Variants in USP8 observed in about 807,000 individuals in gnomAD.
USP8 encodes ubiquitin specific peptidase 8.
USP8 carries 27 observed loss-of-function variants against 130.0 expected under a neutral mutation model. The ratio of observed to expected loss-of-function variants is 0.21; its 90% CI spans 0.15 to 0.29. USP8 has a LOEUF of 0.29. USP8 is among the 10% of genes least tolerant of loss of function. The pLI is 1.00. For synonymous variants in USP8, 392 were observed against 444.1 expected (o/e 0.88, Z 1.48); for missense variants, 1,029 against 1,312.2 (o/e 0.78, Z 3.33).
chr15:50,456,872 C>T (rs899283910), intron 4 of USP8, among the ~76,000 whole-genome samples: 2 of 151,686 alleles, frequency 1.3e-5, no homozygotes, highest in African/African-American at 2.4e-5. Context: ...GGCAGCAGAG[C>T]GAGACTCTGT....
chr15:50,495,357 TATAGAGAG>T (rs1441276552), intron 16 of USP8, among the ~76,000 whole-genome samples: 1 of 102,314 alleles, frequency 9.8e-6, no homozygotes, highest in Non-Finnish European at 2.1e-5. Flanking sequence ...TATATACATA[TATAGAGAG>T]AGAGAGGCTA....
chr15:50,471,653 A>C lies in USP8; in HGVS notation c.707A>C (p.Glu236Ala), dbSNP rs1233871340. 6.2e-7 allele frequency: 1 copy of C among 1,613,186 alleles called. No individual in the cohort carries two copies. The highest frequency in any genetic ancestry group is 1.3e-5 in the African/African-American group (1 of 74,888). The change falls in exon 8 of 20, where the codon GAA becomes GCA. Residue 236 changes from glutamate to alanine, a missense_variant. Transcript: ENST00000307179. ...ISPGVTASWI[E>A]AHLPDDSKDT... Reference sequence around the variant, plus strand: ...TTCAGAGTCACTGCTAGTTGGATTGAAGCACACCTGCCAGATGATTCTAAA... The same window carrying C: ...TTCAGAGTCACTGCTAGTTGGATTGCAGCACACCTGCCAGATGATTCTAAA...
chr15:50,453,157 G>T (rs889361177), intron 4 of USP8, among the ~76,000 whole-genome samples: 1 of 152,240 alleles, frequency 6.6e-6, no homozygotes, highest in African/African-American at 2.4e-5. Context: ...GGAGATTTGA[G>T]AATCCATTAT....
Position 50,441,381 on chromosome 15 carries a change from C to G in USP8, c.137C>G (p.Thr46Arg). 3.1e-6 allele frequency: 5 copies of G among 1,605,030 alleles called. No homozygotes were observed. Among genetic ancestry groups the G allele is most frequent in the Non-Finnish European group, 3.4e-6 (4 of 1,178,148 alleles). The change falls in exon 3 of 20, where the codon ACA (threonine) becomes AGA (arginine). Residue 46 changes from threonine to arginine, a missense_variant. Thr to Arg is a moderately conservative substitution (Grantham distance 71). Coordinates refer to ENST00000307179, the MANE Select transcript of USP8 (RefSeq NM_005154.5). Reference sequence around the variant, plus strand: ...CACAGTGCCCTGAAGATCTTTAAGACAGCAGAAGAATGCAGATTAGATCGT... The same window carrying G: ...CACAGTGCCCTGAAGATCTTTAAGAGAGCAGAAGAATGCAGATTAGATCGT... ...YVHSALKIFK[T>R]AEECRLDRDE...
chr15:50,468,535 G>T (rs1461235006), intron 7 of USP8, among the ~76,000 whole-genome samples: 2 of 152,122 alleles, frequency 1.3e-5, no homozygotes, highest in East Asian at 3.9e-4. Flanking sequence ...GAGCCACGGT[G>T]CCCAGCCTAT....
intron 4 of USP8, among the ~76,000 whole-genome samples, chr15:50,458,152 C>CATTT (rs559465969): frequency 6.6e-6 from 1 of 151,920 alleles, no homozygotes; most frequent in Non-Finnish European, 1.5e-5. Context: ...GCCATTCGTT[C>CATTT]ATTTATTTAT....
intron 3 of USP8, among the ~76,000 whole-genome samples, chr15:50,443,174 G>A (rs2050315196): frequency 6.6e-6 from 1 of 152,040 alleles, no homozygotes; most frequent in Non-Finnish European, 1.5e-5. Context: ...GAGTAGGTGG[G>A]ATTACAGGCT....
intron 5 of USP8, among the ~76,000 whole-genome samples, chr15:50,461,036 A>G (rs1430280648): frequency 1.3e-5 from 2 of 151,794 alleles, no homozygotes; most frequent in Non-Finnish European, 2.9e-5. Flanking sequence ...TTTGTTGCCC[A>G]GGCTGGAGTG....
chr15:50,481,772 A>G lies in USP8; in HGVS notation c.1510A>G (p.Lys504Glu), dbSNP rs2051781644. ...LRKEEQEQKAKKKQEAEENEI... is the reference protein window; with the variant it reads ...LRKEEQEQKAEKKQEAEENEI... ...GAAGGAAGAACAAGAACAAAAAGCC[A>G]AAAAGAAACAAGAAGCTGAAGAAAA... The change falls in exon 11 of 20, where the codon AAA becomes GAA. Residue 504 changes from lysine to glutamate, a missense_variant. Coordinates refer to ENST00000307179, the MANE Select transcript of USP8 (RefSeq NM_005154.5). 2 of 1,565,020 alleles carry G rather than the reference A, an allele frequency of 1.3e-6. No individual in the cohort carries two copies. Among genetic ancestry groups the G allele is most frequent in the South Asian group, 1.2e-5 (1 of 82,636 alleles).
chr15:50,492,561 A>T, intron 14 of USP8, 140 bp from the exon 15 acceptor site: 2 of 800,472 alleles, frequency 2.5e-6, no homozygotes, highest in East Asian at 5.3e-5. Context: ...TGGAAGGCCC[A>T]GCATCTTATG....
At chr15:50,433,892 A>G (rs981846555) in intron 1 of USP8, among the ~76,000 whole-genome samples, 8 of 152,250 alleles carry the variant, frequency 5.3e-5, no homozygotes, top group South Asian at 2.1e-4. Flanking sequence ...GGCGTGAGCC[A>G]CTGTGCACGG....
rs2141345265 is a variant in USP8 at position 50,506,517 on chromosome 15, C to T, written c.*7429C>T. The T allele has an allele frequency of 6.6e-6, 1 of 152,118 alleles. No individual in the cohort carries two copies. Among genetic ancestry groups the T allele is most frequent in the South Asian group, 2.1e-4 (1 of 4,792 alleles). 9.4% of individuals were successfully genotyped at this position (152,118 alleles called of 1,614,324 possible). On this transcript the variant is annotated 3_prime_UTR_variant, in exon 20 of 20. Transcript: ENST00000307179. ...AAAATTGTCTTCCACAAAAATCAGT[C>T]CCTGGTGCCAACAAGGTTGGGGACT...
At chr15:50,458,662 C>A (rs1359675820) in intron 4 of USP8, 2 of 197,296 alleles carry the variant, frequency 1.0e-5, no homozygotes, top group Non-Finnish European at 2.1e-5. Context: ...GATATTTGGG[C>A]TGTTTCTTTT....
chr15:50,500,568 C>T lies in USP8; in HGVS notation c.*1480C>T, dbSNP rs1438348046. 3 of 523,900 alleles carry T rather than the reference C, an allele frequency of 5.7e-6. No homozygotes were observed. The highest frequency in any genetic ancestry group is 6.9e-6 in the Non-Finnish European group (2 of 289,242). 32.5% of individuals were successfully genotyped at this position (523,900 alleles called of 1,614,324 possible). A position where few individuals can be genotyped will look rare whatever the true frequency, so the allele number is the denominator to read the frequency against. ...AAAATGTTAATGATGCAAGTAAGTT[C>T]TAAGAGTTTAATGACCAAGCAAAAC... On this transcript the variant is annotated 3_prime_UTR_variant, in exon 20 of 20. Coordinates refer to ENST00000307179, the MANE Select transcript of USP8 (RefSeq NM_005154.5).
rs755625350 is a variant in USP8, at chr15:50,499,133, A to G, written c.*45A>G. ...TAGTTATCTTTTAAAAGGCTCAGCAACACAACTCTTGAAATGCTTATCAGG... is the reference window on the plus strand; with the variant it reads ...TAGTTATCTTTTAAAAGGCTCAGCAGCACAACTCTTGAAATGCTTATCAGG... On this transcript the variant is annotated 3_prime_UTR_variant, in exon 20 of 20. Transcript: ENST00000307179. The G allele has an allele frequency of 5.9e-6, 9 of 1,519,878 alleles. No homozygotes were observed. Among genetic ancestry groups the G allele is most frequent in the Non-Finnish European group, 7.9e-6 (9 of 1,133,192 alleles). The allele number at this position is 1,519,878 out of a possible 1,614,324, so 94.1% of individuals were successfully genotyped here.
chr15:50,471,046 C>G (rs1159351604), intron 7 of USP8, among the ~76,000 whole-genome samples: 1 of 152,206 alleles, frequency 6.6e-6, no homozygotes, highest in Admixed American at 6.5e-5. Flanking sequence ...TCTGGCTCCA[C>G]TTACCTTGAG....
In USP8 at chr15:50,499,172, T is replaced by C; in HGVS notation, c.*84T>C. The C allele has an allele frequency of 2.9e-6, 4 of 1,370,316 alleles. No individual in the cohort carries two copies. The highest frequency in any genetic ancestry group is 1.5e-5 in the South Asian group (1 of 66,592). The allele number at this position is 1,370,316 out of a possible 1,614,324, so 84.9% of individuals were successfully genotyped here. A position where few individuals can be genotyped will look rare whatever the true frequency, so the allele number is the denominator to read the frequency against. On this transcript the variant is annotated 3_prime_UTR_variant, in exon 20 of 20. Transcript: ENST00000307179. ...ATGCTTATCAGGATAATGGTAGCTA[T>C]AGCTGGCCATTTAGAGGAATTCTAG...
chr15:50,433,753 C>A lies in USP8; in HGVS notation c.-65-5256C>A, dbSNP rs1012040326. On this transcript the variant is annotated intron_variant, in intron 1 of 19. Coordinates refer to ENST00000307179, the MANE Select transcript of USP8 (RefSeq NM_005154.5). Reference sequence around the variant, plus strand: ...CCTGAGTAGCTGGGACTACAGGTGCCCGCCACCGTGCCCGGCTAATTTTTT... The same window carrying A: ...CCTGAGTAGCTGGGACTACAGGTGCACGCCACCGTGCCCGGCTAATTTTTT... Among the ~76,000 whole-genome samples the A allele has an allele frequency of 7.2e-5, 11 of 151,836 alleles. 1 individual carries two copies. The highest frequency in any genetic ancestry group is 5.2e-4 in the Admixed American group (8 of 15,262).
intron 1 of USP8, among the ~76,000 whole-genome samples, chr15:50,430,589 T>G (rs988992907): frequency 6.6e-6 from 1 of 152,030 alleles, no homozygotes; most frequent in African/African-American, 2.4e-5. Flanking sequence ...ATTTTTTTTT[T>G]GTAGTGATAA....
Sources: gnomAD v4.1 joint callset for allele counts (sites outside exome capture counted in the v4.1 genomes callset) on GRCh38, gnomAD v4.1.1 for gene constraint, MANE v1.5 for transcripts, NCBI Gene and HGNC (gene_info 2026-07-23, HGNC 2026-07-21) for gene names.